Variants in PRSS23 observed in about 807,000 individuals in gnomAD.
The protein encoded by PRSS23 is protease, serine 23.
PRSS23 carries 25 observed loss-of-function variants against 34.7 expected under a neutral mutation model. That is an observed-to-expected ratio of 0.72 (90% CI 0.53 to 1.01). The LOEUF is 1.01. PRSS23 is among the 50% of genes least tolerant of loss of function. The probability of loss-of-function intolerance (pLI) is 0.00; values close to 1 mark genes in which losing one functional copy is unlikely to be tolerated. For synonymous variants in PRSS23, 176 were observed against 186.6 expected (o/e 0.94, Z 0.46); for missense variants, 445 against 475.6 (o/e 0.94, Z 0.60).
At chr11:86,863,406 A>C (rs115657703) in intron 2 of PRSS23, among the ~76,000 whole-genome samples, 1 of 144,480 alleles carries the variant, frequency 6.9e-6, no homozygotes, top group African/African-American at 2.6e-5. Flanking sequence ...CCTTCATGGC[A>C]CCCAGAGGAT....
chr11:86,836,511 C>G (rs1001089501), intron 2 of PRSS23, among the ~76,000 whole-genome samples: 1 of 152,162 alleles, frequency 6.6e-6, no homozygotes, highest in African/African-American at 2.4e-5. Flanking sequence ...ATAGCCCCTG[C>G]TTTTGCTAGA....
exon 3 of PRSS23, chr11:86,952,294 G>C (rs1949301053): frequency 6.2e-7 from 1 of 1,614,202 alleles, no homozygotes. Flanking sequence ...ACATGTGGTT[G>C]TGGTCGTTCT....
chr11:86,852,037 C>A (rs1458396564), intron 2 of PRSS23, among the ~76,000 whole-genome samples: 1 of 152,176 alleles, frequency 6.6e-6, no homozygotes, highest in Non-Finnish European at 1.5e-5. Flanking sequence ...ACTGCACTCT[C>A]CTGTTTGTCC....
intron 2 of PRSS23, among the ~76,000 whole-genome samples, chr11:86,827,825 C>G (rs12420495): frequency 0.24 from 36,832 of 152,030 alleles, 4,968 homozygotes; most frequent in East Asian, 0.46. Context: ...TCTTAATCCT[C>G]AGTTCTAGTT....
intron 2 of PRSS23, among the ~76,000 whole-genome samples, chr11:86,908,692 A>G (rs774349165): frequency 7.2e-5 from 11 of 152,254 alleles, no homozygotes; most frequent in South Asian, 2.1e-4. Context: ...TTAGGTAATA[A>G]TAAACATTTT....
At chr11:86,931,968 C>T (rs1436541519) in intron 2 of PRSS23, among the ~76,000 whole-genome samples, 1 of 152,148 alleles carries the variant, frequency 6.6e-6, no homozygotes, top group African/African-American at 2.4e-5. Flanking sequence ...AACAATAAAA[C>T]TTCATGCAAA....
chr11:86,862,295 C>G (rs900798808), intron 2 of PRSS23, among the ~76,000 whole-genome samples: 3 of 151,410 alleles, frequency 2.0e-5, no homozygotes, highest in Non-Finnish European at 4.4e-5. Context: ...CATGTGACAG[C>G]GGGTGTACAT....
intron 2 of PRSS23, among the ~76,000 whole-genome samples, chr11:86,849,441 A>G (rs1173150592): frequency 6.6e-6 from 1 of 152,178 alleles, no homozygotes. Context: ...GAAGGAATCA[A>G]CTCTGAAGTC....
intron 2 of PRSS23, among the ~76,000 whole-genome samples, chr11:86,869,003 G>T (rs1449601037): frequency 6.6e-6 from 1 of 152,134 alleles, no homozygotes; most frequent in South Asian, 2.1e-4. Flanking sequence ...TGTAGAGATA[G>T]AGTTTTGCCA....
chr11:86,889,095 C>T (rs138469459), intron 2 of PRSS23, among the ~76,000 whole-genome samples: 69 of 152,278 alleles, frequency 4.5e-4, no homozygotes, highest in African/African-American at 1.6e-3. Flanking sequence ...TTCTTTCTGC[C>T]CATCTCTGCT....
At chr11:86,922,588 A>C (rs1252778854) in intron 2 of PRSS23, among the ~76,000 whole-genome samples, 1 of 152,250 alleles carries the variant, frequency 6.6e-6, no homozygotes, top group Non-Finnish European at 1.5e-5. Context: ...CCTGGGACAC[A>C]GTAGTAGCTC....
At chr11:86,907,773 A>G (rs930295226) in intron 2 of PRSS23, among the ~76,000 whole-genome samples, 2 of 152,172 alleles carry the variant, frequency 1.3e-5, no homozygotes, top group Admixed American at 1.3e-4. Context: ...CAAATTTTCA[A>G]GTGCATAGTG....
At chr11:86,925,541 T>C (rs913698705) in intron 2 of PRSS23, among the ~76,000 whole-genome samples, 3 of 152,284 alleles carry the variant, frequency 2.0e-5, no homozygotes, top group Admixed American at 6.5e-5. Context: ...TAATCAGGCA[T>C]GTAGCTCTCA....
intron 2 of PRSS23, chr11:86,948,964 C>T (rs1220368084): frequency 6.5e-6 from 1 of 152,674 alleles, no homozygotes; most frequent in Non-Finnish European, 1.5e-5. Context: ...TGGGTGCGTG[C>T]TCCAGGGCCG....
chr11:86,804,275 T>G (rs762222739), intron 1 of PRSS23, among the ~76,000 whole-genome samples: 11 of 152,228 alleles, frequency 7.2e-5, no homozygotes, highest in Admixed American at 6.5e-5. Flanking sequence ...TTAGATATTT[T>G]AAAAATATCT....
chr11:86,821,502 G>T (rs775477431), intron 1 of PRSS23: 30 of 1,610,888 alleles, frequency 1.9e-5, no homozygotes, highest in Non-Finnish European at 2.0e-5. Flanking sequence ...GCTGCACAAA[G>T]AAAAATCCAT....
At chr11:86,945,187 A>G (rs1384382329) in intron 2 of PRSS23, among the ~76,000 whole-genome samples, 1 of 152,046 alleles carries the variant, frequency 6.6e-6, no homozygotes, top group African/African-American at 2.4e-5. Flanking sequence ...TCTATTACAC[A>G]AACAGAACCA....
At chr11:86,933,505 GA>G (rs1369730535) in intron 2 of PRSS23, 1 of 152,256 alleles carries the variant, frequency 6.6e-6, no homozygotes, top group Non-Finnish European at 1.5e-5. Flanking sequence ...GAAGGGAAAA[GA>G]GAAAGTACTG....
In PRSS23 at chr11:86,849,997, G is replaced by T. The variant is rs546591511; in HGVS notation, c.206+26404G>T. On this transcript the variant is annotated intron_variant, in intron 2 of 2. Coordinates refer to the PRSS23 transcript ENST00000533902. Reference sequence around the variant, plus strand: ...CCAGTCAGGAATCATTACTGAAAAGGTCAAAGAAATAAGAGAACGGATAGA... The same window carrying T: ...CCAGTCAGGAATCATTACTGAAAAGTTCAAAGAAATAAGAGAACGGATAGA... Among the ~76,000 whole-genome samples the T allele has an allele frequency of 2.6e-5, 4 of 152,260 alleles. No homozygotes were observed. The South Asian group carries it at 8.3e-4, about 32-fold the overall frequency.
Sources: gnomAD v4.1 joint callset for allele counts (sites outside exome capture counted in the v4.1 genomes callset) on GRCh38, gnomAD v4.1.1 for gene constraint, MANE v1.5 for transcripts, NCBI Gene and HGNC (gene_info 2026-07-23, HGNC 2026-07-21) for gene names.